ABCC1: variants seen among roughly 807,000 people sequenced by gnomAD.
ABCC1 encodes the protein ATP binding cassette subfamily C member 1 (ABCC1 blood group).
Under a neutral mutation model 172.9 loss-of-function variants are expected in ABCC1, and 83 were observed. The observed-to-expected ratio is 0.48, with a 90% confidence interval of 0.40 to 0.58. The LOEUF is 0.58. Ranked by LOEUF, ABCC1 falls within the 20% of genes least tolerant of loss-of-function variation. ABCC1 has a pLI of 0.00. For missense variants in ABCC1, 1,817 were observed against 2,002.7 expected (o/e 0.91, Z 1.77); for synonymous variants, 937 against 825.2 (o/e 1.14, Z -2.32).
chr16:16,059,045 C>G (rs2049793718), intron 12 of ABCC1, among the ~76,000 whole-genome samples: 1 of 151,798 alleles, frequency 6.6e-6, no homozygotes, highest in Non-Finnish European at 1.5e-5. Flanking sequence ...ATTTGCTTTC[C>G]TAACATATCC....
At chr16:16,007,484 A>G (rs750400439) in intron 1 of ABCC1, among the ~76,000 whole-genome samples, 1 of 152,098 alleles carries the variant, frequency 6.6e-6, no homozygotes, top group Non-Finnish European at 1.5e-5. Flanking sequence ...TTGGCCTCCC[A>G]AAGTGCTGGG....
chr16:16,091,122 C>A (rs2051237207), intron 19 of ABCC1, among the ~76,000 whole-genome samples: 1 of 151,992 alleles, frequency 6.6e-6, no homozygotes. Context: ...TCACTTTCCT[C>A]CCTCATAAAG....
intron 19 of ABCC1, among the ~76,000 whole-genome samples, chr16:16,101,527 C>T (rs1162838605): frequency 2.0e-5 from 3 of 152,142 alleles, no homozygotes; most frequent in South Asian, 2.1e-4. Context: ...TGTCATCACC[C>T]GAGCATGTTC....
At chr16:16,094,011 T>C (rs759588128) in intron 19 of ABCC1, among the ~76,000 whole-genome samples, 3 of 139,658 alleles carry the variant, frequency 2.1e-5, no homozygotes, top group Non-Finnish European at 4.6e-5. Flanking sequence ...TAACTTTTAA[T>C]GGCATTCCTT....
At chr16:16,099,850 G>A (rs8054963) in intron 19 of ABCC1, among the ~76,000 whole-genome samples, 1 of 152,184 alleles carries the variant, frequency 6.6e-6, no homozygotes, top group Non-Finnish European at 1.5e-5. Flanking sequence ...CTGGGAGGCC[G>A]AGGTGGGTGG....
chr16:15,995,319 C>T (rs899130532), intron 1 of ABCC1, among the ~76,000 whole-genome samples: 1 of 152,032 alleles, frequency 6.6e-6, no homozygotes, highest in Non-Finnish European at 1.5e-5. Context: ...ATGAATCTTC[C>T]CTCTTACTCT....
At chr16:15,963,307 G>A (rs894288767) in intron 1 of ABCC1, among the ~76,000 whole-genome samples, 7 of 152,240 alleles carry the variant, frequency 4.6e-5, no homozygotes, top group African/African-American at 9.6e-5. Context: ...ACAGGTTGGC[G>A]TTGAGTGTCT....
intron 1 of ABCC1, among the ~76,000 whole-genome samples, chr16:15,985,926 C>G (rs1014065194): frequency 6.6e-6 from 1 of 152,002 alleles, no homozygotes; most frequent in Non-Finnish European, 1.5e-5. Context: ...TTCCTCAATT[C>G]GTGGTTTCAT....
intron 11 of ABCC1, among the ~76,000 whole-genome samples, chr16:16,053,568 G>A (rs1055475181): frequency 2.6e-5 from 4 of 151,880 alleles, no homozygotes; most frequent in South Asian, 2.1e-4. Context: ...TGGGTGGATC[G>A]CCTGAGCTTA....
At chr16:16,084,197 C>T (rs1420824215) in intron 17 of ABCC1, among the ~76,000 whole-genome samples, 2 of 151,618 alleles carry the variant, frequency 1.3e-5, no homozygotes, top group Non-Finnish European at 2.9e-5. Context: ...CTGCCTCCCG[C>T]GTTCAGGTGA....
chr16:16,049,054 GA>G (rs2049327318), intron 10 of ABCC1, among the ~76,000 whole-genome samples: 1 of 152,028 alleles, frequency 6.6e-6, no homozygotes, highest in South Asian at 2.1e-4. Context: ...GAAATCTGGG[GA>G]CTAGCTTCAG....
At chr16:16,013,167 A>G (rs1419746039) in intron 3 of ABCC1, among the ~76,000 whole-genome samples, 2 of 152,060 alleles carry the variant, frequency 1.3e-5, no homozygotes, top group African/African-American at 4.8e-5. Flanking sequence ...GGAATGGAGG[A>G]CCACCAGCTC....
At chr16:16,026,610 A>G (rs2048383739) in intron 5 of ABCC1, among the ~76,000 whole-genome samples, 1 of 151,030 alleles carries the variant, frequency 6.6e-6, no homozygotes, top group Non-Finnish European at 1.5e-5. Context: ...AAGCTCTTTG[A>G]GTGTGCAAAT....
intron 18 of ABCC1, among the ~76,000 whole-genome samples, chr16:16,087,544 G>C (rs1215252290): frequency 6.6e-6 from 1 of 152,020 alleles, no homozygotes; most frequent in African/African-American, 2.4e-5. Flanking sequence ...TGCAACCTCC[G>C]CATCTCGGGT....
At chr16:16,043,110 G>A (rs931777871) in intron 7 of ABCC1, among the ~76,000 whole-genome samples, 9 of 151,038 alleles carry the variant, frequency 6.0e-5, no homozygotes, top group African/African-American at 1.7e-4. Context: ...TGATCCACCC[G>A]CCTCGACCTC....
intron 1 of ABCC1, among the ~76,000 whole-genome samples, chr16:15,955,365 GA>G (rs986249752): frequency 2.6e-5 from 4 of 152,096 alleles, no homozygotes; most frequent in African/African-American, 9.6e-5. Flanking sequence ...CAAAAAAAAA[GA>G]AAACAGCCAC....
chr16:16,122,616 C>T (rs985432049), intron 24 of ABCC1, among the ~76,000 whole-genome samples: 2 of 151,506 alleles, frequency 1.3e-5, no homozygotes, highest in African/African-American at 2.4e-5. Context: ...TGTCATGGCT[C>T]ACGCCTGTAA....
In ABCC1 at chr16:16,007,715, C is replaced by G; in HGVS notation, c.49-101C>G. The G allele has an allele frequency of 2.5e-6, 3 of 1,180,510 alleles. No individual in the cohort carries two copies. In the South Asian group the frequency reaches 4.7e-5, roughly 19 times the overall value. The allele number at this position is 1,180,510 out of a possible 1,614,324, so 73.1% of individuals were successfully genotyped here. ...GTCCTTGGATATATAGGAGCCTTGT[C>G]TGTTTCTTCAAACCCCGTGGCAGCT... On this transcript the variant is annotated intron_variant, in intron 1 of 30. Coordinates refer to ENST00000399410, the MANE Select transcript of ABCC1 (RefSeq NM_004996.4).
intron 1 of ABCC1, among the ~76,000 whole-genome samples, chr16:15,987,170 AAGAG>A (rs931268344): frequency 7.2e-5 from 11 of 152,142 alleles, no homozygotes; most frequent in Admixed American, 2.0e-4. Flanking sequence ...GTGTCAGAAA[AAGAG>A]AGAATGTGGA....
Sources: gnomAD v4.1 joint callset for allele counts (sites outside exome capture counted in the v4.1 genomes callset) on GRCh38, gnomAD v4.1.1 for gene constraint, MANE v1.5 for transcripts, NCBI Gene and HGNC (gene_info 2026-07-23, HGNC 2026-07-21) for gene names.